NDST3: variants seen among roughly 807,000 people sequenced by gnomAD.
NDST3 encodes bifunctional heparan sulfate N-deacetylase/N-sulfotransferase 3.
A neutral mutation model predicts 96.1 loss-of-function variants in NDST3; 58 were observed. That is an observed-to-expected ratio of 0.60 (90% CI 0.49 to 0.75). The LOEUF (loss-of-function observed/expected upper bound fraction) is 0.75, where lower values mean the gene tolerates loss of function less well. Ranked by LOEUF, NDST3 falls within the 30% of genes least tolerant of loss-of-function variation. NDST3 has a pLI of 0.00. For missense variants in NDST3, 788 were observed against 1,034.2 expected, an observed-to-expected ratio of 0.76 and a Z score of 3.27; for synonymous variants, 333 against 359.7, an observed-to-expected ratio of 0.93 and a Z score of 0.84.
At chr4:118,052,983 A>C (rs1209588815) in intron 1 of NDST3, among the ~76,000 whole-genome samples, 1 of 151,912 alleles carries the variant, frequency 6.6e-6, no homozygotes, top group Non-Finnish European at 1.5e-5. Flanking sequence ...TAATTACTAA[A>C]CTCCTCAAAA....
chr4:118,198,309 T>C (rs1047767433), intron 6 of NDST3, among the ~76,000 whole-genome samples: 13 of 152,334 alleles, frequency 8.5e-5, no homozygotes, highest in East Asian at 1.9e-4. Context: ...TAGTTGCTTT[T>C]TATTTTTTGT....
At chr4:118,187,226 A>G (rs1175074197) in intron 6 of NDST3, among the ~76,000 whole-genome samples, 1 of 152,242 alleles carries the variant, frequency 6.6e-6, no homozygotes, top group East Asian at 1.9e-4. Flanking sequence ...TTAGCCAGCA[A>G]GTAATCTAGA....
chr4:118,097,162 C>T (rs1729381446), intron 2 of NDST3, among the ~76,000 whole-genome samples: 2 of 151,874 alleles, frequency 1.3e-5, no homozygotes, highest in African/African-American at 2.4e-5. Context: ...ATCTGGGCAC[C>T]CCATAGCTCA....
intron 4 of NDST3, among the ~76,000 whole-genome samples, chr4:118,130,117 G>A (rs533000003): frequency 6.6e-6 from 1 of 151,726 alleles, no homozygotes; most frequent in African/African-American, 2.4e-5. Flanking sequence ...ACAGATCATA[G>A]AGTCTTGTAT....
intron 6 of NDST3, chr4:118,194,020 CT>C: frequency 7.7e-7 from 1 of 1,302,964 alleles, no homozygotes; most frequent in Non-Finnish European, 1.1e-6. Flanking sequence ...ACTCCTTGGT[CT>C]TTTCAAAACT....
chr4:118,108,664 G>A (rs1730398702), intron 3 of NDST3, among the ~76,000 whole-genome samples: 1 of 152,128 alleles, frequency 6.6e-6, no homozygotes, highest in African/African-American at 2.4e-5. Context: ...TTCCATGGAA[G>A]TTAGAGAGCC....
chr4:118,066,126 AT>A (rs1726321053), intron 2 of NDST3, among the ~76,000 whole-genome samples: 1 of 52,658 alleles, frequency 1.9e-5, no homozygotes, highest in Non-Finnish European at 3.7e-5. Flanking sequence ...TATATTATAT[AT>A]ATTATATAAT....
At chr4:118,192,161 G>A (rs1380389238) in intron 6 of NDST3, among the ~76,000 whole-genome samples, 1 of 152,116 alleles carries the variant, frequency 6.6e-6, no homozygotes, top group Non-Finnish European at 1.5e-5. Flanking sequence ...TGCTGTTTGA[G>A]CTACTTATAC....
upstream of NDST3, chr4:118,033,481 T>C (rs1449527979): frequency 6.6e-6 from 1 of 151,888 alleles, no homozygotes; most frequent in African/African-American, 2.4e-5. Context: ...GGCAGCCAGA[T>C]CCTCAGGGCC....
chr4:118,131,012 A>T (rs1177756571), intron 4 of NDST3, among the ~76,000 whole-genome samples: 1 of 151,538 alleles, frequency 6.6e-6, no homozygotes, highest in African/African-American at 2.4e-5. Context: ...TTTGTCTTTG[A>T]CTCTTGGGAG....
intron 2 of NDST3, 77 bp downstream of exon 2, chr4:118,054,968 A>C (rs1725316146): frequency 6.4e-7 from 1 of 1,572,030 alleles, no homozygotes; most frequent in Non-Finnish European, 8.7e-7. Context: ...TTTGTACTAC[A>C]ACTGGGTTAC....
At chr4:118,161,218 C>T (rs890948883) in intron 6 of NDST3, among the ~76,000 whole-genome samples, 1 of 152,192 alleles carries the variant, frequency 6.6e-6, no homozygotes, top group Non-Finnish European at 1.5e-5. Context: ...GCTGTCTGAT[C>T]ATTCCTCTGG....
chr4:118,239,791 A>G (rs1740897018), intron 10 of NDST3, among the ~76,000 whole-genome samples: 1 of 152,194 alleles, frequency 6.6e-6, no homozygotes, highest in Non-Finnish European at 1.5e-5. Context: ...CAACTAGATG[A>G]GGTAAACATC....
In NDST3 at chr4:118,255,705, T is replaced by C; in HGVS notation, c.2615T>C (p.Val872Ala). 1.2e-6 allele frequency: 2 copies of C among 1,612,558 alleles called. No homozygotes were observed. The highest frequency in any genetic ancestry group is 1.7e-6 in the Non-Finnish European group (2 of 1,179,134). ...PSWLRQELQK[V>A]R ...TGGCTGAGACAGGAGCTGCAGAAAG[T>C]AAGATAGCACTGAGAGAAAACTTGA... is the stretch of plus-strand genomic sequence containing the variant. Residue 872 changes from valine (V) to alanine (A), a missense_variant, in exon 14 of 14, where the codon GTA becomes GCA. Val to Ala is a moderately conservative substitution (Grantham distance 64). Transcript: ENST00000296499.
intron 2 of NDST3, among the ~76,000 whole-genome samples, chr4:118,057,293 A>G (rs1033628027): frequency 7.9e-5 from 12 of 152,086 alleles, no homozygotes; most frequent in African/African-American, 2.4e-4. Context: ...GAAGATCATT[A>G]AAGGTCATAA....
intron 6 of NDST3, among the ~76,000 whole-genome samples, chr4:118,205,373 T>A (rs886630940): frequency 6.9e-6 from 1 of 144,876 alleles, no homozygotes; most frequent in East Asian, 2.0e-4. Context: ...TATTTATATA[T>A]CATTTAAAAA....
At chr4:118,255,231 C>T (rs1475957969) in intron 13 of NDST3, among the ~76,000 whole-genome samples, 1 of 152,148 alleles carries the variant, frequency 6.6e-6, no homozygotes, top group East Asian at 1.9e-4. Flanking sequence ...TCCTTCTCAA[C>T]AAGGTTACTG....
intron 4 of NDST3, among the ~76,000 whole-genome samples, chr4:118,126,791 C>T (rs1459057406): frequency 1.3e-5 from 2 of 151,948 alleles, no homozygotes; most frequent in Non-Finnish European, 2.9e-5. Flanking sequence ...AGTGGTTGTA[C>T]TAATTTACAT....
chr4:118,161,778 C>A (rs1012532937), intron 6 of NDST3, among the ~76,000 whole-genome samples: 3 of 152,160 alleles, frequency 2.0e-5, no homozygotes, highest in Admixed American at 6.5e-5. Flanking sequence ...CATCTGTCAA[C>A]CCTTTCTTTG....
Sources: gnomAD v4.1 joint callset for allele counts (sites outside exome capture counted in the v4.1 genomes callset) on GRCh38, gnomAD v4.1.1 for gene constraint, MANE v1.5 for transcripts, NCBI Gene and HGNC (gene_info 2026-07-23, HGNC 2026-07-21) for gene names.